The following CA10 variants were observed in gnomAD, a reference collection of about 807,000 sequenced individuals.
The protein encoded by CA10 is carbonic anhydrase-related protein 10.
Under a neutral mutation model 44.2 loss-of-function variants are expected in CA10, and 14 were observed. That is an observed-to-expected ratio of 0.32 (90% CI 0.21 to 0.50). CA10 has a LOEUF of 0.50. Ranked by LOEUF, CA10 falls within the 20% of genes least tolerant of loss-of-function variation. The pLI is 0.99. For missense variants in CA10, 350 were observed against 409.7 expected (o/e 0.85, Z 1.26); for synonymous variants, 159 against 141.6 (o/e 1.12, Z -0.87).
In CA10 at chr17:51,765,721, GTGTA is replaced by G. The variant is rs774410929; in HGVS notation, c.280-17907_280-17904del. 2.5e-3 allele frequency among the ~76,000 whole-genome samples: 327 copies of G among 131,444 alleles called. 1 individual carries two copies. Among genetic ancestry groups the G allele is most frequent in the African/African-American group, 9.2e-3 (256 of 27,860 alleles). 86.2% of individuals were successfully genotyped at this position (131,444 alleles called of 152,430 possible). ...TGTGTGTGTGTGTGTGTGTGTGTGT[GTGTA>G]TGTGTGTGTGCATGCATGTGTTTAG... On this transcript the variant is annotated intron_variant, in intron 3 of 8. Transcript: ENST00000451037.
intron 1 of CA10, among the ~76,000 whole-genome samples, chr17:52,112,854 G>A (rs574796032): frequency 6.6e-6 from 1 of 152,248 alleles, no homozygotes; most frequent in East Asian, 1.9e-4. Flanking sequence ...AGTTTGGAAT[G>A]TCTCTCCAAT....
At chr17:52,053,417 AG>A (rs1182328882) in intron 2 of CA10, among the ~76,000 whole-genome samples, 1 of 152,146 alleles carries the variant, frequency 6.6e-6, no homozygotes, top group Non-Finnish European at 1.5e-5. Context: ...AAAAAACAAA[AG>A]AAAACTTTTA....
At chr17:51,755,836 T>A (rs943826589) in intron 3 of CA10, among the ~76,000 whole-genome samples, 1 of 152,236 alleles carries the variant, frequency 6.6e-6, no homozygotes, top group Non-Finnish European at 1.5e-5. Flanking sequence ...CAAGTCTTCA[T>A]GACCCAAGCT....
chr17:51,970,845 G>A (rs968239323), intron 2 of CA10, among the ~76,000 whole-genome samples: 20 of 151,972 alleles, frequency 1.3e-4, no homozygotes, highest in Non-Finnish European at 2.9e-4. Flanking sequence ...TACCTACACA[G>A]AGGAACCAAG....
chr17:51,690,244 C>A (rs9895497), intron 4 of CA10, among the ~76,000 whole-genome samples: 11,517 of 152,186 alleles, frequency 0.076, 1,481 homozygotes, highest in African/African-American at 0.26. Flanking sequence ...CACCATGCCT[C>A]GGCCCCTCTC....
intron 3 of CA10, among the ~76,000 whole-genome samples, chr17:51,908,434 A>T (rs1981653071): frequency 6.6e-6 from 1 of 152,120 alleles, no homozygotes; most frequent in Non-Finnish European, 1.5e-5. Flanking sequence ...TGTGTGAATA[A>T]TTTCTTCTTT....
chr17:51,830,454 T>C (rs534034519), intron 3 of CA10, among the ~76,000 whole-genome samples: 1 of 152,290 alleles, frequency 6.6e-6, no homozygotes, highest in South Asian at 2.1e-4. Flanking sequence ...CTGAGATCCA[T>C]TCCAGCCTTA....
At chr17:51,880,663 T>C (rs1980322101) in intron 3 of CA10, among the ~76,000 whole-genome samples, 1 of 152,192 alleles carries the variant, frequency 6.6e-6, no homozygotes, top group Non-Finnish European at 1.5e-5. Context: ...ACCTCACATT[T>C]TTAATACCTT....
At chr17:51,744,331 T>A (rs1217424006) in intron 4 of CA10, among the ~76,000 whole-genome samples, 3 of 146,364 alleles carry the variant, frequency 2.0e-5, no homozygotes, top group East Asian at 2.0e-4. Flanking sequence ...AAAAAAAAAA[T>A]TATGGATTGT....
At chr17:51,959,890 C>G (rs1455161658) in intron 2 of CA10, among the ~76,000 whole-genome samples, 1 of 150,174 alleles carries the variant, frequency 6.7e-6, no homozygotes, top group Non-Finnish European at 1.5e-5. Flanking sequence ...CTCAAATGAC[C>G]ATAAGGCAAT....
At chr17:51,641,870 AT>A in intron 6 of CA10, among the ~76,000 whole-genome samples, 1 of 152,150 alleles carries the variant, frequency 6.6e-6, no homozygotes, top group East Asian at 1.9e-4. Flanking sequence ...GAGATTTAAT[AT>A]TGCCCGGCTT....
chr17:51,637,177 A>C (rs1336575223), intron 6 of CA10, among the ~76,000 whole-genome samples: 3 of 152,118 alleles, frequency 2.0e-5, no homozygotes, highest in Admixed American at 2.0e-4. Flanking sequence ...GGCTTCAAAA[A>C]TACCATACTT....
intron 4 of CA10, among the ~76,000 whole-genome samples, chr17:51,688,507 AAATAGT>A (rs1915082589): frequency 6.6e-6 from 1 of 152,202 alleles, no homozygotes; most frequent in Non-Finnish European, 1.5e-5. Flanking sequence ...TATAACATAG[AAATAGT>A]ATTCATCCCT....
intron 2 of CA10, among the ~76,000 whole-genome samples, chr17:51,963,893 T>C (rs1437321819): frequency 6.6e-6 from 1 of 152,054 alleles, no homozygotes; most frequent in African/African-American, 2.4e-5. Flanking sequence ...AACTTCACAA[T>C]AGGATAAAAA....
chr17:51,754,097 G>A (rs986664682), intron 3 of CA10, among the ~76,000 whole-genome samples: 1 of 151,952 alleles, frequency 6.6e-6, no homozygotes, highest in African/African-American at 2.4e-5. Context: ...ACCTGCCTCG[G>A]CCTCCCAAAG....
At chr17:51,741,013 G>A (rs975817341) in intron 4 of CA10, among the ~76,000 whole-genome samples, 16 of 152,062 alleles carry the variant, frequency 1.1e-4, no homozygotes, top group South Asian at 1.0e-3. Context: ...GTCTCCCCCC[G>A]CTAGACTATA....
At chr17:52,114,533 T>A (rs935650304) in intron 1 of CA10, among the ~76,000 whole-genome samples, 10 of 152,206 alleles carry the variant, frequency 6.6e-5, no homozygotes, top group Non-Finnish European at 1.5e-4. Context: ...GAACTATACA[T>A]AGTAAATTCC....
intron 3 of CA10, among the ~76,000 whole-genome samples, chr17:51,856,459 ATAGT>A (rs1241433245): frequency 1.3e-5 from 2 of 152,148 alleles, no homozygotes; most frequent in East Asian, 3.9e-4. Flanking sequence ...AAAAGGACAG[ATAGT>A]TGTAAAGTAA....
chr17:51,780,383 G>A (rs934681976), intron 3 of CA10, among the ~76,000 whole-genome samples: 9 of 152,184 alleles, frequency 5.9e-5, no homozygotes, highest in African/African-American at 2.2e-4. Flanking sequence ...AACTAAAGAT[G>A]AGACAGCACA....
Sources: gnomAD v4.1 joint callset for allele counts (sites outside exome capture counted in the v4.1 genomes callset) on GRCh38, gnomAD v4.1.1 for gene constraint, MANE v1.5 for transcripts, NCBI Gene and HGNC (gene_info 2026-07-23, HGNC 2026-07-21) for gene names.